SULT1E1: variants seen among roughly 807,000 people sequenced by gnomAD.
The protein encoded by SULT1E1 is sulfotransferase family 1E member 1, also known as sulfotransferase 1E1.
SULT1E1 carries 36 observed loss-of-function variants against 33.6 expected under a neutral mutation model. The ratio of observed to expected loss-of-function variants is 1.07; its 90% CI spans 0.82 to 1.41. The LOEUF is 1.41. SULT1E1 is among the 40% of genes most tolerant of loss of function. The probability of loss-of-function intolerance (pLI) is 0.00; values close to 1 mark genes in which losing one functional copy is unlikely to be tolerated. For synonymous variants in SULT1E1, 121 were observed against 111.7 expected (o/e 1.08, Z -0.53); for missense variants, 371 against 345.7 (o/e 1.07, Z -0.58).
intron 2 of SULT1E1, among the ~76,000 whole-genome samples, chr4:69,856,872 T>A (rs1288282416): frequency 2.9e-5 from 4 of 139,900 alleles, no homozygotes; most frequent in African/African-American, 1.1e-4. Context: ...GGAGGCGGAG[T>A]TTGCAGTGAG....
At chr4:69,843,118 G>A (rs899719885) in intron 7 of SULT1E1, among the ~76,000 whole-genome samples, 28 of 152,090 alleles carry the variant, frequency 1.8e-4, no homozygotes, top group Non-Finnish European at 2.9e-5. Flanking sequence ...TTACAGGTGT[G>A]AGCCACCGCG....
the SULT1E1 span, among the ~76,000 whole-genome samples, chr4:69,824,535 A>G: frequency 6.6e-6 from 1 of 152,158 alleles, no homozygotes; most frequent in African/African-American, 2.4e-5. Context: ...TTTGGGATCC[A>G]GACGCAGCAG....
chr4:69,856,930 C>T (rs1440055784), intron 2 of SULT1E1, among the ~76,000 whole-genome samples: 1 of 84,226 alleles, frequency 1.2e-5, no homozygotes, highest in Non-Finnish European at 2.3e-5. Flanking sequence ...AGCGAGACTC[C>T]GTCTCAAAAA....
chr4:69,828,428 C>A, the SULT1E1 span, among the ~76,000 whole-genome samples: 1 of 152,162 alleles, frequency 6.6e-6, no homozygotes, highest in Non-Finnish European at 1.5e-5. Flanking sequence ...TCTGGACATG[C>A]CACCTCTAAG....
chr4:69,825,444 C>T, the SULT1E1 span, among the ~76,000 whole-genome samples: 6 of 152,308 alleles, frequency 3.9e-5, no homozygotes, highest in South Asian at 1.2e-3. Flanking sequence ...TGAGTAGCAT[C>T]AGACCCCTTT....
At chr4:69,852,311 G>A (rs1721140934) in intron 4 of SULT1E1, among the ~76,000 whole-genome samples, 1 of 152,088 alleles carries the variant, frequency 6.6e-6, no homozygotes, top group Non-Finnish European at 1.5e-5. Flanking sequence ...TGGTGTGTGT[G>A]ATCTACTTGA....
chr4:69,859,516 T>C (rs894224730), intron 1 of SULT1E1, among the ~76,000 whole-genome samples: 3 of 152,144 alleles, frequency 2.0e-5, no homozygotes, highest in African/African-American at 7.2e-5. Context: ...TAAGTTCAAT[T>C]ATTAGATCAA....
At chr4:69,833,548 A>G in the SULT1E1 span, among the ~76,000 whole-genome samples, 1 of 152,226 alleles carries the variant, frequency 6.6e-6, no homozygotes, top group Non-Finnish European at 1.5e-5. Flanking sequence ...TATGCAATTT[A>G]TACCATGCCA....
At position 69,841,858 on chromosome 4, in the gene SULT1E1, G is replaced by T. The variant is rs1259365326; in HGVS notation, c.*136C>A. The T allele has an allele frequency of 1.8e-4, 74 of 405,888 alleles. No individual in the cohort carries two copies. The highest frequency in any genetic ancestry group is 7.1e-4 in the Middle Eastern group (1 of 1,418). The allele number at this position is 405,888 out of a possible 1,614,324, so 25.1% of individuals were successfully genotyped here. ...TCTGTCTCAAAAAAAAAAAAAAAAA[G>T]TTAAACAAAAATTTAAAAAGAAAAT... is the stretch of plus-strand genomic sequence containing the variant. On this transcript the variant is annotated 3_prime_UTR_variant, in exon 8 of 8. Transcript: ENST00000226444.
Position 69,844,147 on chromosome 4 carries a change from C to T in SULT1E1, c.772+14G>A. On this transcript the variant is annotated intron_variant, in intron 7 of 7. Transcript: ENST00000226444. ...GACTTCCTCTAGTATCGAGGCAAAC[C>T]ACATTTTTCTCACCCTTTCTCATGA... 1 of 1,613,666 alleles carries T rather than the reference C, an allele frequency of 6.2e-7. No homozygotes were observed. Among genetic ancestry groups the T allele is most frequent in the Non-Finnish European group, 8.5e-7 (1 of 1,179,710 alleles).
chr4:69,850,073 AC>A (rs1466006376), intron 4 of SULT1E1, among the ~76,000 whole-genome samples: 1 of 152,058 alleles, frequency 6.6e-6, no homozygotes, highest in African/African-American at 2.4e-5. Context: ...CAGGAAAAAA[AC>A]ATTTTATGAG....
intron 4 of SULT1E1, among the ~76,000 whole-genome samples, chr4:69,853,850 C>G (rs1721176372): frequency 6.6e-6 from 1 of 152,044 alleles, no homozygotes; most frequent in South Asian, 2.1e-4. Flanking sequence ...GTAATAACAA[C>G]AAATACAAAA....
At chr4:69,834,038 T>C in the SULT1E1 span, among the ~76,000 whole-genome samples, 2 of 152,192 alleles carry the variant, frequency 1.3e-5, no homozygotes, top group African/African-American at 4.8e-5. Context: ...TCCTCCTTTA[T>C]CTTGAAACAT....
intron 6 of SULT1E1, among the ~76,000 whole-genome samples, chr4:69,847,249 GT>G (rs1244560519): frequency 1.3e-5 from 2 of 150,876 alleles, no homozygotes; most frequent in Non-Finnish European, 3.0e-5. Context: ...AATTTTAATA[GT>G]TTTTGTTTCT....
chr4:69,852,172 A>T (rs1033122730), intron 4 of SULT1E1, among the ~76,000 whole-genome samples: 1 of 152,064 alleles, frequency 6.6e-6, no homozygotes, highest in Non-Finnish European at 1.5e-5. Context: ...TAACTAATCT[A>T]TACCTCTCCT....
intron 1 of SULT1E1, among the ~76,000 whole-genome samples, chr4:69,859,828 G>A (rs569565832): frequency 1.3e-5 from 2 of 152,066 alleles, no homozygotes; most frequent in South Asian, 4.1e-4. Flanking sequence ...TTACATTAAA[G>A]CAATAAGCAA....
At chr4:69,857,329 AG>A (rs1376787402) in intron 2 of SULT1E1, among the ~76,000 whole-genome samples, 170 bp downstream of exon 2, 3 of 152,240 alleles carry the variant, frequency 2.0e-5, no homozygotes, top group African/African-American at 7.2e-5. Flanking sequence ...TTCAAGTTAC[AG>A]GTAAAAATTG....
chr4:69,853,184 A>G (rs1274953449), intron 4 of SULT1E1, among the ~76,000 whole-genome samples: 1 of 152,140 alleles, frequency 6.6e-6, no homozygotes, highest in African/African-American at 2.4e-5. Context: ...ATAATACTAT[A>G]AGATCTTGAA....
At chr4:69,831,471 G>A in the SULT1E1 span, among the ~76,000 whole-genome samples, 1 of 152,206 alleles carries the variant, frequency 6.6e-6, no homozygotes, top group East Asian at 1.9e-4. Context: ...TAAATGCCCG[G>A]CCTATTGTCT....
Sources: allele counts gnomAD v4.1 joint callset (sites outside exome capture counted in the v4.1 genomes callset), GRCh38; gene constraint gnomAD v4.1.1; transcripts MANE v1.5; gene names NCBI Gene and HGNC (gene_info 2026-07-23, HGNC 2026-07-21).